The following CNOT6 variants were observed in gnomAD, a reference collection of about 807,000 sequenced individuals.
CNOT6 encodes the protein carbon catabolite repression 4 protein.
In CNOT6, 12 loss-of-function variants were observed where a neutral mutation model predicts 61.2. That is an observed-to-expected ratio of 0.20 (90% CI 0.13 to 0.32). The LOEUF (loss-of-function observed/expected upper bound fraction) is 0.32, where lower values mean the gene tolerates loss of function less well. Ranked by LOEUF, CNOT6 falls within the 10% of genes least tolerant of loss-of-function variation. CNOT6 has a pLI of 1.00. For synonymous variants in CNOT6, 225 were observed against 240.6 expected (o/e 0.94, Z 0.60); for missense variants, 405 against 663.9 (o/e 0.61, Z 4.28).
chr5:180,529,028 G>C (rs913214177), intron 1 of CNOT6, among the ~76,000 whole-genome samples: 1 of 151,938 alleles, frequency 6.6e-6, no homozygotes. Flanking sequence ...GGCCAATATG[G>C]TGAAACCCCG....
chr5:180,509,856 C>T (rs1249350546), intron 1 of CNOT6, among the ~76,000 whole-genome samples: 8 of 135,654 alleles, frequency 5.9e-5, no homozygotes, highest in Middle Eastern at 8.0e-3. Context: ...TCACTAGCTA[C>T]TCTTTGTTAA....
chr5:180,572,212 G>A (rs1581577626), intron 11 of CNOT6, among the ~76,000 whole-genome samples: 1 of 151,932 alleles, frequency 6.6e-6, no homozygotes, highest in South Asian at 2.1e-4. Context: ...TCCCCCTAGA[G>A]ACAGTCTTGC....
rs547437266 is a variant in CNOT6 at position 180,513,493 on chromosome 5, A to G, written c.-2-15782A>G. Among the ~76,000 whole-genome samples, 6 of 149,784 alleles carry G rather than the reference A, an allele frequency of 4.0e-5. No individual in the cohort carries two copies. In the South Asian group the frequency reaches 1.3e-3, roughly 32 times the overall value. ...GCGATTCTCCTGCCTCAGCTTCCCT[A>G]CTCTTAGAGTAGCTGGGATACAGTC... On this transcript the variant is annotated intron_variant, in intron 1 of 11. Transcript: ENST00000261951.
rs1761027722 is a variant in CNOT6 at position 180,576,950 on chromosome 5, G to C, written c.*2750G>C. On this transcript the variant is annotated 3_prime_UTR_variant, in exon 12 of 12. Transcript: ENST00000261951. ...ACAAAAAGTTTAGGGCATGTTTTCT[G>C]TTTTAAAGACCAGAAGTTTGAAGGC... is the stretch of plus-strand genomic sequence containing the variant. The C allele has an allele frequency of 6.6e-6, 1 of 152,134 alleles. No individual in the cohort carries two copies. Among genetic ancestry groups the C allele is most frequent in the African/African-American group, 2.4e-5 (1 of 41,392 alleles). 9.4% of individuals were successfully genotyped at this position (152,134 alleles called of 1,614,324 possible).
intron 2 of CNOT6, among the ~76,000 whole-genome samples, chr5:180,544,092 T>C (rs2127737739): frequency 6.6e-6 from 1 of 152,390 alleles, no homozygotes; most frequent in East Asian, 1.9e-4. Flanking sequence ...ATTACAGGCG[T>C]GAGCCACCGC....
At chr5:180,528,679 C>G (rs1758210335) in intron 1 of CNOT6, among the ~76,000 whole-genome samples, 1 of 152,064 alleles carries the variant, frequency 6.6e-6, no homozygotes, top group Non-Finnish European at 1.5e-5. Flanking sequence ...ATTATGAATT[C>G]ATGAAGTTCA....
intron 2 of CNOT6, among the ~76,000 whole-genome samples, chr5:180,548,605 T>C (rs1759432224): frequency 6.6e-6 from 1 of 152,200 alleles, no homozygotes; most frequent in South Asian, 2.1e-4. Flanking sequence ...GTCCAAGGAG[T>C]AAGCTGAGAC....
At chr5:180,514,380 C>G (rs1757540337) in intron 1 of CNOT6, among the ~76,000 whole-genome samples, 1 of 152,186 alleles carries the variant, frequency 6.6e-6, no homozygotes, top group African/African-American at 2.4e-5. Context: ...CGAGATAGCG[C>G]CACTGCACTC....
intron 1 of CNOT6, among the ~76,000 whole-genome samples, chr5:180,518,655 C>T (rs1757752526): frequency 6.6e-6 from 1 of 152,120 alleles, no homozygotes; most frequent in African/African-American, 2.4e-5. Flanking sequence ...TGCCACCACA[C>T]CTGGGTGATT....
chr5:180,556,310 C>T (rs1430377048), intron 4 of CNOT6, among the ~76,000 whole-genome samples: 2 of 152,128 alleles, frequency 1.3e-5, no homozygotes, highest in Non-Finnish European at 2.9e-5. Context: ...AGAGGGTGCG[C>T]AGTTTCATTT....
intron 1 of CNOT6, among the ~76,000 whole-genome samples, chr5:180,496,630 T>G (rs990416701): frequency 8.6e-5 from 13 of 151,990 alleles, no homozygotes; most frequent in African/African-American, 3.1e-4. Context: ...TGAGCCCAGG[T>G]GTTTGAGACC....
chr5:180,551,225 C>T (rs753086781), intron 3 of CNOT6, among the ~76,000 whole-genome samples: 23 of 151,142 alleles, frequency 1.5e-4, no homozygotes, highest in Non-Finnish European at 2.8e-4. Flanking sequence ...GGCTTCGTGG[C>T]ATGCACCTGT....
chr5:180,544,497 T>G (rs1759208155), intron 2 of CNOT6, among the ~76,000 whole-genome samples: 1 of 152,216 alleles, frequency 6.6e-6, no homozygotes, highest in Non-Finnish European at 1.5e-5. Flanking sequence ...GAGTTCTCCT[T>G]GTCTTCCTGC....
intron 2 of CNOT6, among the ~76,000 whole-genome samples, chr5:180,538,034 CTTTT>C (rs57646217): frequency 4.0e-5 from 3 of 74,364 alleles, no homozygotes; most frequent in South Asian, 6.1e-4. Context: ...GGAACATCAT[CTTTT>C]TTTTTTTTTT....
At chr5:180,562,774 G>A (rs925918210) in intron 4 of CNOT6, among the ~76,000 whole-genome samples, 30 of 152,038 alleles carry the variant, frequency 2.0e-4, no homozygotes, top group African/African-American at 6.0e-4. Flanking sequence ...CAGCATCACT[G>A]TAGGTCTGGT....
intron 4 of CNOT6, among the ~76,000 whole-genome samples, chr5:180,559,670 T>G (rs1375610287): frequency 6.6e-6 from 1 of 152,216 alleles, no homozygotes; most frequent in Non-Finnish European, 1.5e-5. Flanking sequence ...TCTTTTGTCT[T>G]TTTCTCTTTG....
chr5:180,529,227 T>C, intron 1 of CNOT6, 48 bp from the exon 2 acceptor site: 2 of 1,016,868 alleles, frequency 2.0e-6, no homozygotes, highest in Admixed American at 2.2e-5. Context: ...GTTGTGGCTT[T>C]TGTTTATTTG....
In CNOT6 at chr5:180,553,491, A is replaced by T. The variant is rs778200069; in HGVS notation, c.385+20A>T. On this transcript the variant is annotated intron_variant, in intron 4 of 11. Coordinates refer to ENST00000261951, the MANE Select transcript of CNOT6 (RefSeq NM_001370472.1). ...TGAAAGGTATGACTTCCATATTTGT[A>T]CTTCTTATGGTTTGTGTATATGTCT... is the stretch of plus-strand genomic sequence containing the variant. The T allele has an allele frequency of 6.4e-7, 1 of 1,570,440 alleles. No individual in the cohort carries two copies. Among genetic ancestry groups the T allele is most frequent in the Non-Finnish European group, 8.8e-7 (1 of 1,141,246 alleles).
chr5:180,538,288 C>T (rs1201336516), intron 2 of CNOT6, among the ~76,000 whole-genome samples: 1 of 151,774 alleles, frequency 6.6e-6, no homozygotes, highest in Non-Finnish European at 1.5e-5. Context: ...ATCTGCCTGC[C>T]TGGGCCTCCC....
Sources: allele counts gnomAD v4.1 joint callset (sites outside exome capture counted in the v4.1 genomes callset), GRCh38; gene constraint gnomAD v4.1.1; transcripts MANE v1.5; gene names NCBI Gene and HGNC (gene_info 2026-07-23, HGNC 2026-07-21).